The following SPDYE10 variants were observed in gnomAD, a reference collection of about 807,000 sequenced individuals.
SPDYE10 encodes the protein speedy protein E10.
the SPDYE10 span, among the ~76,000 whole-genome samples, chr7:73,152,031 T>C: frequency 6.6e-6 from 1 of 151,562 alleles, no homozygotes; most frequent in South Asian, 2.1e-4. Context: ...TTTTTTTTTT[T>C]TGAGGCAGAA....
chr7:73,150,485 AGAGGCCAAGGTGGGTGGATCAC>A, the SPDYE10 span, among the ~76,000 whole-genome samples: 2 of 138,668 alleles, frequency 1.4e-5, no homozygotes, highest in African/African-American at 5.6e-5. Context: ...CAGCACTTTG[AGAGGCCAAGGTGGGTGGATCAC>A]GAGGTCAAGA....
chr7:73,135,088 C>G, the SPDYE10 span, among the ~76,000 whole-genome samples: 2 of 152,282 alleles, frequency 1.3e-5, no homozygotes, highest in African/African-American at 4.8e-5. Flanking sequence ...ACTGATCTGA[C>G]TCATAGGTGT....
chr7:73,134,551 A>AAGAAAG, the SPDYE10 span, among the ~76,000 whole-genome samples: 1 of 152,120 alleles, frequency 6.6e-6, no homozygotes, highest in Non-Finnish European at 1.5e-5. Flanking sequence ...GAAAGAAAGA[A>AAGAAAG]AGAAAGAAAG....
the SPDYE10 span, among the ~76,000 whole-genome samples, chr7:73,128,170 G>A: frequency 4.6e-5 from 7 of 152,194 alleles, no homozygotes; most frequent in Middle Eastern, 3.4e-3. Flanking sequence ...TATAGTCTAC[G>A]TAGTATCAAC....
At chr7:73,123,696 G>A in the SPDYE10 span, among the ~76,000 whole-genome samples, 2 of 151,818 alleles carry the variant, frequency 1.3e-5, no homozygotes, top group African/African-American at 4.9e-5. Flanking sequence ...GACCTCAAGT[G>A]ATCTGCCCAC....
At chr7:73,127,418 G>C in the SPDYE10 span, among the ~76,000 whole-genome samples, 2 of 121,890 alleles carry the variant, frequency 1.6e-5, no homozygotes, top group South Asian at 2.8e-4. Context: ...AATTAGCCAG[G>C]CATGGTGGTG....
At chr7:73,134,389 G>C in the SPDYE10 span, among the ~76,000 whole-genome samples, 1 of 141,590 alleles carries the variant, frequency 7.1e-6, no homozygotes, top group Non-Finnish European at 1.5e-5. Flanking sequence ...AGGGAGGGGG[G>C]AGGGATAGCA....
At chr7:73,139,623 C>CT in the SPDYE10 span, among the ~76,000 whole-genome samples, 4 of 150,338 alleles carry the variant, frequency 2.7e-5, no homozygotes, top group East Asian at 2.0e-4. Flanking sequence ...GCCCCCTGGC[C>CT]TTTTTTTGTT....
chr7:73,126,804 A>G, the SPDYE10 span, among the ~76,000 whole-genome samples: 252 of 151,052 alleles, frequency 1.7e-3, 1 homozygote, highest in African/African-American at 5.8e-3. Context: ...AACTGGGACT[A>G]CAAGCCTGCA....
the SPDYE10 span, among the ~76,000 whole-genome samples, chr7:73,139,323 A>AT: frequency 2.3e-3 from 95 of 41,306 alleles, no homozygotes; most frequent in African/African-American, 5.9e-3. Flanking sequence ...AGAGACCACG[A>AT]TTTTTTTTTT....
chr7:73,154,040 C>CCAA, the SPDYE10 span, among the ~76,000 whole-genome samples: 533 of 149,222 alleles, frequency 3.6e-3, 2 homozygotes, highest in Middle Eastern at 0.011. Context: ...GGTGGAAGCA[C>CCAA]CAATCACTTT....
At chr7:73,126,536 G>C in the SPDYE10 span, among the ~76,000 whole-genome samples, 43 of 99,432 alleles carry the variant, frequency 4.3e-4, no homozygotes, top group Admixed American at 3.1e-3. Flanking sequence ...AAAAGGAAAA[G>C]AAAGAAAAAA....
the SPDYE10 span, among the ~76,000 whole-genome samples, chr7:73,114,539 T>G: frequency 4.1e-4 from 61 of 148,990 alleles, no homozygotes; most frequent in South Asian, 8.4e-4. Flanking sequence ...GCCCTATTTT[T>G]TTTTTTTTTT....
the SPDYE10 span, among the ~76,000 whole-genome samples, chr7:73,145,141 TC>T: frequency 1.4e-5 from 2 of 144,752 alleles, no homozygotes; most frequent in Non-Finnish European, 1.5e-5. Context: ...TCTTTCTTTC[TC>T]TTTTTCTTTC....
At chr7:73,115,425 G>C in the SPDYE10 span, among the ~76,000 whole-genome samples, 1 of 151,624 alleles carries the variant, frequency 6.6e-6, no homozygotes, top group Non-Finnish European at 1.5e-5. Flanking sequence ...GCTGACACCT[G>C]GAGGGTGCCA....
chr7:73,150,948 A>ATATTTT, the SPDYE10 span, among the ~76,000 whole-genome samples: 4 of 4,946 alleles, frequency 8.1e-4, no homozygotes, highest in African/African-American at 2.7e-3. Context: ...ATATATATAT[A>ATATTTT]TTTTTTTTTT....
At chr7:73,124,013 GTTCAAGCAATC>G in the SPDYE10 span, among the ~76,000 whole-genome samples, 1 of 150,320 alleles carries the variant, frequency 6.7e-6, no homozygotes, top group Admixed American at 6.6e-5. Context: ...GTCCTCCTAG[GTTCAAGCAATC>G]TTCCGGCCTC....
chr7:73,120,395 C>T, the SPDYE10 span, among the ~76,000 whole-genome samples: 1 of 12,340 alleles, frequency 8.1e-5, no homozygotes, highest in Admixed American at 5.4e-4. Flanking sequence ...TTTCCATCAC[C>T]ACAGATGGTC....
chr7:73,149,370 C>T, the SPDYE10 span, among the ~76,000 whole-genome samples: 23 of 142,452 alleles, frequency 1.6e-4, no homozygotes, highest in South Asian at 5.5e-3. Context: ...TCACTGCAAG[C>T]TCCACCTCCT....
Sources: allele counts gnomAD v4.1 joint callset (sites outside exome capture counted in the v4.1 genomes callset), GRCh38; gene constraint gnomAD v4.1.1; transcripts MANE v1.5; gene names NCBI Gene and HGNC (gene_info 2026-07-23, HGNC 2026-07-21).